The following ATP11A variants were observed in gnomAD, a reference collection of about 807,000 sequenced individuals.
ATP11A encodes ATPase phospholipid transporting 11A.
ATP11A carries 81 observed loss-of-function variants against 154.4 expected under a neutral mutation model. The observed-to-expected ratio is 0.52, with a 90% confidence interval of 0.44 to 0.63. The LOEUF is 0.63. ATP11A is among the 30% of genes least tolerant of loss of function. ATP11A has a pLI of 0.00. For missense variants in ATP11A, 1,316 were observed against 1,474.3 expected (o/e 0.89, Z 1.76); for synonymous variants, 623 against 585.9 (o/e 1.06, Z -0.91).
At chr13:112,705,670 C>T (rs953383423) in intron 1 of ATP11A, among the ~76,000 whole-genome samples, 2 of 152,218 alleles carry the variant, frequency 1.3e-5, no homozygotes, top group African/African-American at 4.8e-5. Context: ...AGTCTGAGAC[C>T]TAAGCAGGTG....
chr13:112,789,357 T>A (rs564724378), intron 2 of ATP11A, among the ~76,000 whole-genome samples: 26 of 150,602 alleles, frequency 1.7e-4, no homozygotes, highest in African/African-American at 6.1e-4. Context: ...TGTCCTGACG[T>A]GTAGACCCCT....
intron 1 of ATP11A, among the ~76,000 whole-genome samples, chr13:112,743,834 A>G (rs1891818565): frequency 6.6e-6 from 1 of 152,216 alleles, no homozygotes; most frequent in African/African-American, 2.4e-5. Flanking sequence ...GGAGTTTAGT[A>G]TAGGCCCATC....
intron 1 of ATP11A, among the ~76,000 whole-genome samples, chr13:112,749,153 C>T (rs932670335): frequency 3.9e-5 from 6 of 152,212 alleles, no homozygotes; most frequent in African/African-American, 1.4e-4. Flanking sequence ...CTGGTGGATG[C>T]CGTGGGCCAT....
chr13:112,813,007 T>A (rs2078545038), intron 5 of ATP11A, among the ~76,000 whole-genome samples: 1 of 152,220 alleles, frequency 6.6e-6, no homozygotes. Flanking sequence ...AATTGAATTT[T>A]TAATGTATCG....
In ATP11A at chr13:112,807,747, G is replaced by A. The variant is rs2078363353; in HGVS notation, c.333+1454G>A. On this transcript the variant is annotated intron_variant, in intron 4 of 29. Coordinates refer to ENST00000375645, the MANE Select transcript of ATP11A (RefSeq NM_015205.3). This position sits in a 1 kb window ranked among gnomAD's most constrained non-coding sequence, Gnocchi z 4.5. ...GGAACCCATCGTGGAGATTAGGTGA[G>A]GGCGTCCCGTGCTATCTGTGATACA... is the stretch of plus-strand genomic sequence containing the variant. 6.6e-6 allele frequency among the ~76,000 whole-genome samples: 1 copy of A among 152,114 alleles called. No individual in the cohort carries two copies. Among genetic ancestry groups the A allele is most frequent in the Admixed American group, 6.5e-5 (1 of 15,272 alleles).
Position 112,883,967 on chromosome 13 carries a change from TCATAGCTGTTTA to T in ATP11A, c.*2102_*2113del, listed in dbSNP as rs1342394690. On this transcript the variant is annotated 3_prime_UTR_variant, in exon 30 of 30. Transcript: ENST00000375645. The stretch of plus-strand genomic sequence containing the variant: ...AAATTGCCTTTGCACTGAAGTATTT[TCATAGCTGTTTA>T]TATCTCTTTTATTCATTTATTTAAC... 1 of 152,636 alleles carries T rather than the reference TCATAGCTGTTTA, an allele frequency of 6.6e-6. No individual in the cohort carries two copies. The highest frequency in any genetic ancestry group is 2.4e-5 in the African/African-American group (1 of 41,482). 9.5% of individuals were successfully genotyped at this position (152,636 alleles called of 1,614,324 possible).
In ATP11A at chr13:112,753,248, C is replaced by G. The variant is rs2076739130; in HGVS notation, c.40-31887C>G. ...TCAACCTCCCCCGCCCCTGGCCGCC[C>G]CACATCATGGACAGCTGGGCTCCAA... On this transcript the variant is annotated intron_variant, in intron 1 of 29. Coordinates refer to ENST00000375645, the MANE Select transcript of ATP11A (RefSeq NM_015205.3). This position sits in a 1 kb window ranked among gnomAD's most constrained non-coding sequence, Gnocchi z 4.1. Among the ~76,000 whole-genome samples, 1 of 152,214 alleles carries G rather than the reference C, an allele frequency of 6.6e-6. No individual in the cohort carries two copies. Among genetic ancestry groups the G allele is most frequent in the Non-Finnish European group, 1.5e-5 (1 of 68,040 alleles).
rs960449584 is a variant in ATP11A at position 112,885,553 on chromosome 13, A to G, written c.*3687A>G. 1 of 152,046 alleles carries G rather than the reference A, an allele frequency of 6.6e-6. No homozygotes were observed. Among genetic ancestry groups the G allele is most frequent in the Admixed American group, 6.5e-5 (1 of 15,268 alleles). 9.4% of individuals were successfully genotyped at this position (152,046 alleles called of 1,614,324 possible). Reference sequence around the variant, plus strand: ...ACACATGCACACACGTGTACACCACAAACGAGCTCCCAGACATGTAAACAC... The same window carrying G: ...ACACATGCACACACGTGTACACCACGAACGAGCTCCCAGACATGTAAACAC... On this transcript the variant is annotated 3_prime_UTR_variant, in exon 30 of 30. Coordinates refer to ENST00000375645, the MANE Select transcript of ATP11A (RefSeq NM_015205.3).
At chr13:112,876,169 C>A in intron 28 of ATP11A, 2 of 397,426 alleles carry the variant, frequency 5.0e-6, no homozygotes, top group Non-Finnish European at 8.6e-6. Flanking sequence ...TGAAATGAGA[C>A]ACAAATAAGA....
rs1892190994 is a variant in ATP11A at position 112,746,644 on chromosome 13, C to T, written c.40-38491C>T. Reference sequence around the variant, plus strand: ...CACTGCAGCTTCGACCTCCTGGGCTCAAGCGATCCTCCCACCTCAGTCTCC... The same window carrying T: ...CACTGCAGCTTCGACCTCCTGGGCTTAAGCGATCCTCCCACCTCAGTCTCC... On this transcript the variant is annotated intron_variant, in intron 1 of 29. Transcript: ENST00000375645. The surrounding 1 kb of genome is among the most constrained non-coding windows in gnomAD (Gnocchi z 4.1). 1 of 151,144 alleles carries T rather than the reference C, an allele frequency of 6.6e-6. No individual in the cohort carries two copies. The highest frequency in any genetic ancestry group is 6.6e-5 in the Admixed American group (1 of 15,108). The allele number at this position is 151,144 out of a possible 1,614,324, so 9.4% of individuals were successfully genotyped here.
chr13:112,846,339 C>T (rs1418118033), intron 17 of ATP11A, among the ~76,000 whole-genome samples: 2 of 152,178 alleles, frequency 1.3e-5, no homozygotes, highest in Admixed American at 6.5e-5. Flanking sequence ...AGGTTTTCCA[C>T]GTTTCTTTAG....
At chr13:112,705,040 C>G (rs1394774294) in intron 1 of ATP11A, among the ~76,000 whole-genome samples, 1 of 152,190 alleles carries the variant, frequency 6.6e-6, no homozygotes, top group Non-Finnish European at 1.5e-5. Flanking sequence ...CCTTTTCTCT[C>G]TAGAAAGTGC....
At chr13:112,802,574 C>A (rs1365171568) in intron 2 of ATP11A, among the ~76,000 whole-genome samples, 202 of 126,492 alleles carry the variant, frequency 1.6e-3, no homozygotes, top group African/African-American at 5.2e-3. Flanking sequence ...AAAAAAAAAA[C>A]CCAGCAACAG....
chr13:112,718,451 G>A (rs1039406229), intron 1 of ATP11A, among the ~76,000 whole-genome samples: 2 of 152,166 alleles, frequency 1.3e-5, no homozygotes, highest in African/African-American at 4.8e-5. Flanking sequence ...AGACAACTGT[G>A]CCGCCTGCCG....
At chr13:112,803,691 TC>T (rs2078198954) in intron 2 of ATP11A, among the ~76,000 whole-genome samples, 1 of 134,116 alleles carries the variant, frequency 7.5e-6, no homozygotes, top group Non-Finnish European at 1.6e-5. Context: ...CTCCTTCCCC[TC>T]CCTCCCCTCC....
intron 17 of ATP11A, among the ~76,000 whole-genome samples, chr13:112,847,114 C>T (rs1427944264): frequency 3.9e-5 from 6 of 152,344 alleles, no homozygotes; most frequent in African/African-American, 1.4e-4. Context: ...CGGCTACGTT[C>T]CCCTGCCCGA....
chr13:112,749,610 G>T (rs544028659), intron 1 of ATP11A, among the ~76,000 whole-genome samples: 1 of 152,280 alleles, frequency 6.6e-6, no homozygotes, highest in Non-Finnish European at 1.5e-5. Flanking sequence ...AGCTGGGAAC[G>T]TTGATTCCTA....
At chr13:112,791,342 C>A (rs1302150157) in intron 2 of ATP11A, among the ~76,000 whole-genome samples, 3 of 152,234 alleles carry the variant, frequency 2.0e-5, no homozygotes, top group African/African-American at 7.2e-5. Context: ...AAGGCATCAC[C>A]CAGCCTGCCC....
chr13:112,695,214 G>A (rs988651790), intron 1 of ATP11A, among the ~76,000 whole-genome samples: 2 of 152,194 alleles, frequency 1.3e-5, no homozygotes, highest in Admixed American at 6.5e-5. Flanking sequence ...TAGCTGCCAA[G>A]GTCTTCAGGT....
Sources: allele counts gnomAD v4.1 joint callset (sites outside exome capture counted in the v4.1 genomes callset), GRCh38; gene constraint gnomAD v4.1.1; non-coding constraint Gnocchi (gnomAD v3.1); transcripts MANE v1.5; gene names NCBI Gene and HGNC (gene_info 2026-07-23, HGNC 2026-07-21).